Variants in NSD3 observed in about 807,000 individuals in gnomAD.
NSD3 encodes histone-lysine N-methyltransferase NSD3.
NSD3 carries 24 observed loss-of-function variants against 160.8 expected under a neutral mutation model. The observed-to-expected ratio is 0.15, with a 90% CI of 0.11 to 0.21. The LOEUF (loss-of-function observed/expected upper bound fraction) is 0.21. NSD3 is among the 10% of genes least tolerant of loss of function. The probability of loss-of-function intolerance (pLI) is 1.00; values close to 1 mark genes in which losing one functional copy is unlikely to be tolerated. For synonymous variants in NSD3, 520 were observed against 600.0 expected (o/e 0.87, Z 1.95); for missense variants, 1,157 against 1,735.9 (o/e 0.67, Z 5.93).
Position 38,318,141 on chromosome 8 carries a change from T to C in NSD3, c.1855+754A>G. 7.3e-7 allele frequency: 1 copy of C among 1,360,960 alleles called. No individual in the cohort carries two copies. The highest frequency in any genetic ancestry group is 1.3e-5 in the South Asian group (1 of 77,910). 84.3% of individuals were successfully genotyped at this position (1,360,960 alleles called of 1,614,324 possible). A position where few individuals can be genotyped will look rare whatever the true frequency, so the allele number is the denominator to read the frequency against. ...CCAAGCAGTGTTCCCTCCGAGAGGC[T>C]GTTCAGTTCTGCTGAGGATCTCCAC... On this transcript the variant is annotated intron_variant, in intron 9 of 23. Transcript: ENST00000317025. The surrounding 1 kb of genome is among the most constrained non-coding windows in gnomAD (Gnocchi z 5.3).
intron 20 of NSD3, 33 bp downstream of exon 20, chr8:38,281,434 C>A (rs774949004): frequency 1.6e-5 from 19 of 1,170,714 alleles, no homozygotes; most frequent in South Asian, 3.9e-5. Flanking sequence ...AAAACAAATC[C>A]CTTTTTCTTA....
chr8:38,288,346 G>T lies in NSD3; in HGVS notation c.3501+141C>A, dbSNP rs1341853547. 9.8e-6 allele frequency: 12 copies of T among 1,221,668 alleles called. No homozygotes were observed. The South Asian group carries it at 1.7e-4, about 18-fold the overall frequency. The allele number at this position is 1,221,668 out of a possible 1,614,324, so 75.7% of individuals were successfully genotyped here. ...CCTACTACTCTTCTTTGCTCAAGAAGTACCAAACTCTCAACATGGAAAGTT... is the reference window on the plus strand; with the variant it reads ...CCTACTACTCTTCTTTGCTCAAGAATTACCAAACTCTCAACATGGAAAGTT... On this transcript the variant is annotated intron_variant, in intron 19 of 23. Coordinates refer to ENST00000317025, the MANE Select transcript of NSD3 (RefSeq NM_023034.2). The surrounding 1 kb of genome is among the most constrained non-coding windows in gnomAD (Gnocchi z 4.5).
chr8:38,318,871 A>G lies in NSD3; in HGVS notation c.1855+24T>C, dbSNP rs1809732080. On this transcript the variant is annotated intron_variant, in intron 9 of 23. Coordinates refer to ENST00000317025, the MANE Select transcript of NSD3 (RefSeq NM_023034.2). The surrounding 1 kb of genome is among the most constrained non-coding windows in gnomAD (Gnocchi z 5.3). ...ATTGGTTTTAATCAAGGAAATGCAA[A>G]GCAACATTATAATATTAACTCACCT... 1.2e-6 allele frequency: 2 copies of G among 1,600,902 alleles called. No individual in the cohort carries two copies. Among genetic ancestry groups the G allele is most frequent in the Admixed American group, 1.8e-5 (1 of 56,122 alleles).
chr8:38,305,223 T>C, intron 13 of NSD3, 25 bp downstream of exon 13: 3 of 1,609,028 alleles, frequency 1.9e-6, no homozygotes, highest in Non-Finnish European at 2.5e-6. Flanking sequence ...ACAAAAATCT[T>C]TGTCTCCTTC....
chr8:38,327,098 G>A (rs1353161630), intron 6 of NSD3, among the ~76,000 whole-genome samples: 1 of 151,152 alleles, frequency 6.6e-6, no homozygotes, highest in African/African-American at 2.4e-5. Context: ...CGCCCAGGCT[G>A]GAGTGCATGG....
intron 19 of NSD3, among the ~76,000 whole-genome samples, chr8:38,286,722 G>C (rs534611625): frequency 2.6e-5 from 4 of 152,244 alleles, no homozygotes; most frequent in African/African-American, 7.2e-5. Context: ...TCTCACCGCA[G>C]CTCCTCTCTT....
rs1257666660 is a variant in NSD3 at position 38,316,310 on chromosome 8, A to G, written c.1856-268T>C. On this transcript the variant is annotated intron_variant, in intron 9 of 23. Coordinates refer to ENST00000317025, the MANE Select transcript of NSD3 (RefSeq NM_023034.2). The surrounding 1 kb of genome is among the most constrained non-coding windows in gnomAD (Gnocchi z 4.5). ...TTTCAGTCAACAGAGCCCACGTTCC[A>G]ACCTAAAAATCAATTCTATGAAAAT... 9 of 1,030,768 alleles carry G rather than the reference A, an allele frequency of 8.7e-6. No individual in the cohort carries two copies. The Admixed American group carries it at 3.9e-4, about 45-fold the overall frequency. 63.9% of individuals were successfully genotyped at this position (1,030,768 alleles called of 1,614,324 possible).
intron 4 of NSD3, among the ~76,000 whole-genome samples, chr8:38,333,560 A>G (rs1810122097): frequency 6.6e-6 from 1 of 152,220 alleles, no homozygotes; most frequent in Non-Finnish European, 1.5e-5. Context: ...TCCAGTGCTA[A>G]GAATCTAATA....
intron 19 of NSD3, among the ~76,000 whole-genome samples, chr8:38,282,277 G>GT (rs909828444): frequency 4.0e-4 from 61 of 152,170 alleles, no homozygotes; most frequent in African/African-American, 1.4e-3. Flanking sequence ...GAGATTCCTT[G>GT]TGATACTCAC....
At chr8:38,280,211 T>TTAG (rs1808700857) in intron 20 of NSD3, 1 of 152,378 alleles carries the variant, frequency 6.6e-6, no homozygotes, top group Admixed American at 6.5e-5. Flanking sequence ...CTGTTTTTAC[T>TTAG]TAAAGTTCAC....
intron 2 of NSD3, among the ~76,000 whole-genome samples, chr8:38,346,407 T>C (rs1810535171): frequency 6.7e-6 from 1 of 148,166 alleles, no homozygotes; most frequent in South Asian, 2.1e-4. Flanking sequence ...TGTATATATG[T>C]ATATATGTGT....
At position 38,303,423 on chromosome 8, in the gene NSD3, T is replaced by C. The variant is rs973991796; in HGVS notation, c.2611+1164A>G. ...GCTGTAGTTAAGAAAGACACAGTAC[T>C]TCCTGCTCCAAAGGCAGACAGTCAC... is the stretch of plus-strand genomic sequence containing the variant. On this transcript the variant is annotated intron_variant, in intron 14 of 23. Coordinates refer to ENST00000317025, the MANE Select transcript of NSD3 (RefSeq NM_023034.2). 3.0e-6 allele frequency: 3 copies of C among 984,874 alleles called. No homozygotes were observed. The African/African-American group carries it at 5.2e-5, about 17-fold the overall frequency. 61.0% of individuals were successfully genotyped at this position (984,874 alleles called of 1,614,324 possible). A position where few individuals can be genotyped will look rare whatever the true frequency, so the allele number is the denominator to read the frequency against.
rs930185088 is a variant in NSD3, at chr8:38,318,719, G to A, written c.1855+176C>T. 1.3e-5 allele frequency among the ~76,000 whole-genome samples: 2 copies of A among 152,108 alleles called. No individual in the cohort carries two copies. Among genetic ancestry groups the A allele is most frequent in the Non-Finnish European group, 2.9e-5 (2 of 68,008 alleles). ...GTAAGACTTTTCACGTGGAGGTACA[G>A]AATAAGATCAACTCTAAAAGTCACA... is the stretch of plus-strand genomic sequence containing the variant. On this transcript the variant is annotated intron_variant, in intron 9 of 23. Coordinates refer to ENST00000317025, the MANE Select transcript of NSD3 (RefSeq NM_023034.2). The surrounding 1 kb of genome is among the most constrained non-coding windows in gnomAD (Gnocchi z 5.3).
At chr8:38,376,946 TAACA>T (rs912969636) in intron 1 of NSD3, among the ~76,000 whole-genome samples, 2 of 152,210 alleles carry the variant, frequency 1.3e-5, no homozygotes, top group African/African-American at 4.8e-5. Context: ...CAAAACCTGC[TAACA>T]AACTAAATGT....
chr8:38,374,678 T>C (rs1424893978), intron 1 of NSD3, among the ~76,000 whole-genome samples: 1 of 152,144 alleles, frequency 6.6e-6, no homozygotes, highest in Non-Finnish European at 1.5e-5. Flanking sequence ...AAGGGGTCTC[T>C]GAAATCTTAA....
chr8:38,338,997 G>A (rs903266073), intron 2 of NSD3, among the ~76,000 whole-genome samples: 7 of 151,790 alleles, frequency 4.6e-5, no homozygotes, highest in Non-Finnish European at 1.0e-4. Context: ...AAAAATAGCC[G>A]GGCATGGTGG....
intron 2 of NSD3, among the ~76,000 whole-genome samples, chr8:38,344,596 G>A (rs991641750): frequency 2.0e-5 from 3 of 152,076 alleles, no homozygotes; most frequent in African/African-American, 7.2e-5. Context: ...TCAACTATAT[G>A]AGATTTTGTT....
In NSD3 at chr8:38,271,609, A is replaced by G. The variant is rs1585843906; in HGVS notation, c.*4032T>C. The G allele has an allele frequency of 6.6e-6, 1 of 152,224 alleles. No homozygotes were observed. The highest frequency in any genetic ancestry group is 1.5e-5 in the Non-Finnish European group (1 of 68,036). The allele number at this position is 152,224 out of a possible 1,614,324, so 9.4% of individuals were successfully genotyped here. A position where few individuals can be genotyped will look rare whatever the true frequency, so the allele number is the denominator to read the frequency against. ...TTGTTTTACAAATAACCAGAGACCA[A>G]TTCTAGGTGGCCCTAGGCCAAAGGA... On this transcript the variant is annotated 3_prime_UTR_variant, in exon 24 of 24. Coordinates refer to ENST00000317025, the MANE Select transcript of NSD3 (RefSeq NM_023034.2).
chr8:38,325,052 G>A (rs976725934), intron 7 of NSD3, among the ~76,000 whole-genome samples: 11 of 152,210 alleles, frequency 7.2e-5, no homozygotes, highest in African/African-American at 2.2e-4. Flanking sequence ...GCTTGTCTGA[G>A]TTCTGTGAGC....
Sources: allele counts gnomAD v4.1 joint callset (sites outside exome capture counted in the v4.1 genomes callset), GRCh38; gene constraint gnomAD v4.1.1; non-coding constraint Gnocchi (gnomAD v3.1); transcripts MANE v1.5; gene names NCBI Gene and HGNC (gene_info 2026-07-23, HGNC 2026-07-21).